Variants in RNF144A observed in about 807,000 individuals in gnomAD.
RNF144A encodes the protein E3 ubiquitin-protein ligase RNF144A.
RNF144A carries 11 observed loss-of-function variants against 38.7 expected under a neutral mutation model. The observed-to-expected ratio is 0.28, with a 90% CI of 0.18 to 0.47. The LOEUF is 0.47. Ranked by LOEUF, RNF144A falls within the 20% of genes least tolerant of loss-of-function variation. The probability of loss-of-function intolerance (pLI) is 0.99; values close to 1 mark genes in which losing one functional copy is unlikely to be tolerated. For missense variants in RNF144A, 316 were observed against 377.2 expected, an observed-to-expected ratio of 0.84 and a Z score of 1.34; for synonymous variants, 149 against 143.9, an observed-to-expected ratio of 1.04 and a Z score of -0.25.
intron 1 of RNF144A, among the ~76,000 whole-genome samples, chr2:6,938,979 A>G (rs1344319919): frequency 6.6e-6 from 1 of 151,716 alleles, no homozygotes; most frequent in East Asian, 1.9e-4. Flanking sequence ...TTAGACATTC[A>G]CTAGTTGATG....
chr2:6,937,828 A>G (rs1339909096), intron 1 of RNF144A, among the ~76,000 whole-genome samples: 1 of 152,166 alleles, frequency 6.6e-6, no homozygotes, highest in Non-Finnish European at 1.5e-5. Flanking sequence ...CTGGTCCTGA[A>G]TGTTGCAAAA....
Position 7,040,924 on chromosome 2 carries a change from C to T in RNF144A, c.*1164C>T. 1.0e-6 allele frequency: 1 copy of T among 985,436 alleles called. No homozygotes were observed. Among genetic ancestry groups the T allele is most frequent in the Non-Finnish European group, 1.2e-6 (1 of 829,934 alleles). The allele number at this position is 985,436 out of a possible 1,614,324, so 61.0% of individuals were successfully genotyped here. A position where few individuals can be genotyped will look rare whatever the true frequency, so the allele number is the denominator to read the frequency against. On this transcript the variant is annotated 3_prime_UTR_variant, in exon 9 of 9. Coordinates refer to ENST00000320892, the MANE Select transcript of RNF144A (RefSeq NM_014746.6). ...ACTTCGTTTTAACGTGGGGATTTTA[C>T]CACTTGATCTTTTACAGGGCTGTCT...
intron 2 of RNF144A, among the ~76,000 whole-genome samples, chr2:6,964,811 G>A (rs1667551814): frequency 6.6e-6 from 1 of 151,746 alleles, no homozygotes; most frequent in African/African-American, 2.4e-5. Flanking sequence ...CACACTCTGG[G>A]GACTGTTGTG....
At chr2:6,938,573 T>A (rs1296239936) in intron 1 of RNF144A, among the ~76,000 whole-genome samples, 1 of 152,154 alleles carries the variant, frequency 6.6e-6, no homozygotes, top group Non-Finnish European at 1.5e-5. Context: ...ATAGTAGTTT[T>A]ATTAAAATGG....
intron 6 of RNF144A, among the ~76,000 whole-genome samples, chr2:7,054,778 C>T (rs1572487229): frequency 1.3e-5 from 2 of 152,290 alleles, no homozygotes; most frequent in East Asian, 3.9e-4. Flanking sequence ...TTGGACTTCC[C>T]AGCCTCCAGA....
Position 7,041,810 on chromosome 2 carries a change from C to G in RNF144A, c.*2050C>G, listed in dbSNP as rs1673062529. On this transcript the variant is annotated 3_prime_UTR_variant, in exon 9 of 9. Transcript: ENST00000320892. Reference sequence around the variant, plus strand: ...CGCATGAGCCCACACAGTAGCACCCCCGTCCTTAGGATGAGAGTCAGAGCC... The same window carrying G: ...CGCATGAGCCCACACAGTAGCACCCGCGTCCTTAGGATGAGAGTCAGAGCC... 1.0e-6 allele frequency: 1 copy of G among 985,390 alleles called. No individual in the cohort carries two copies. The highest frequency in any genetic ancestry group is 1.2e-6 in the Non-Finnish European group (1 of 830,006). 61.0% of individuals were successfully genotyped at this position (985,390 alleles called of 1,614,324 possible).
intron 1 of RNF144A, among the ~76,000 whole-genome samples, chr2:6,931,045 C>G (rs1487515848): frequency 6.6e-6 from 1 of 152,208 alleles, no homozygotes; most frequent in African/African-American, 2.4e-5. Flanking sequence ...AAACGGCTGC[C>G]CTCCCAGGCT....
intron 3 of RNF144A, among the ~76,000 whole-genome samples, chr2:6,999,341 G>T (rs418878): frequency 0.25 from 37,309 of 152,100 alleles, 5,705 homozygotes; most frequent in Non-Finnish European, 0.35. Flanking sequence ...CGCTTTGGTG[G>T]CGCCTTCCCC....
intron 2 of RNF144A, among the ~76,000 whole-genome samples, chr2:6,948,272 A>G (rs1666466502): frequency 1.3e-5 from 2 of 152,250 alleles, no homozygotes. Context: ...GTCACAGCAC[A>G]GAGAGAAGAG....
In RNF144A at chr2:7,042,616, G is replaced by C. The variant is rs1673116341; in HGVS notation, c.*2856G>C. 2.0e-6 allele frequency: 2 copies of C among 985,442 alleles called. No homozygotes were observed. The highest frequency in any genetic ancestry group is 1.7e-5 in the African/African-American group (1 of 57,252). 61.0% of individuals were successfully genotyped at this position (985,442 alleles called of 1,614,324 possible). A position where few individuals can be genotyped will look rare whatever the true frequency, so the allele number is the denominator to read the frequency against. ...CTGACCACATTTGGAGGTTTTGCTG[G>C]AAATGCCTGACCTCTCAGTCTGGCT... On this transcript the variant is annotated 3_prime_UTR_variant, in exon 9 of 9. Transcript: ENST00000320892.
intron 3 of RNF144A, among the ~76,000 whole-genome samples, chr2:7,007,059 C>T (rs940778960): frequency 7.9e-5 from 12 of 152,242 alleles, no homozygotes; most frequent in African/African-American, 2.9e-4. Flanking sequence ...TGCCCCTTCC[C>T]ACCTGGCAAG....
chr2:7,035,572 C>A (rs762408718), intron 8 of RNF144A, among the ~76,000 whole-genome samples: 1 of 152,192 alleles, frequency 6.6e-6, no homozygotes, highest in Non-Finnish European at 1.5e-5. Context: ...CCTGGGGACA[C>A]ATTTCTCTGT....
intron 2 of RNF144A, among the ~76,000 whole-genome samples, chr2:6,970,758 C>G (rs750598636): frequency 1.3e-5 from 2 of 152,182 alleles, no homozygotes; most frequent in African/African-American, 4.8e-5. Flanking sequence ...CCAGCTTCAC[C>G]AGGCAGTGAC....
intron 8 of RNF144A, among the ~76,000 whole-genome samples, chr2:7,038,614 A>G (rs1672832981): frequency 6.6e-6 from 1 of 152,058 alleles, no homozygotes; most frequent in Admixed American, 6.6e-5. Context: ...GAAGGAAGGG[A>G]AAGGAAGAGG....
Position 7,000,325 on chromosome 2 carries a change from G to A in RNF144A, c.135+3264G>A, listed in dbSNP as rs114532483. On this transcript the variant is annotated intron_variant, in intron 3 of 8. Transcript: ENST00000320892. ...CATGTAAGTCTAACCAACAAGTTCT[G>A]TGCTGGAGCACTGGCCAGAGAGAAA... Among the ~76,000 whole-genome samples the A allele has an allele frequency of 6.3e-3, 963 of 152,292 alleles. 7 individuals carry two copies. Among genetic ancestry groups the A allele is most frequent in the African/African-American group, 0.02 (827 of 41,534 alleles).
intron 8 of RNF144A, among the ~76,000 whole-genome samples, chr2:7,037,161 A>G (rs964555992): frequency 1.3e-5 from 2 of 152,078 alleles, no homozygotes; most frequent in African/African-American, 4.8e-5. Context: ...GCTTTGTGAT[A>G]TTTGCTTCCT....
Position 6,967,157 on chromosome 2 carries a change from C to T in RNF144A, c.-12+26010C>T, listed in dbSNP as rs552424661. On this transcript the variant is annotated intron_variant, in intron 2 of 8. Transcript: ENST00000320892. Reference sequence around the variant, plus strand: ...GCTTCTCCAGTTTCCCATGGTCACCCGCCGAGTCAAGGTTCTTATCAGTTC... The same window carrying T: ...GCTTCTCCAGTTTCCCATGGTCACCTGCCGAGTCAAGGTTCTTATCAGTTC... Among the ~76,000 whole-genome samples, 5 of 152,162 alleles carry T rather than the reference C, an allele frequency of 3.3e-5. No homozygotes were observed. In the South Asian group the frequency reaches 6.2e-4, roughly 19 times the overall value.
intron 6 of RNF144A, among the ~76,000 whole-genome samples, chr2:7,065,267 A>AG (rs1348970981): frequency 6.6e-6 from 1 of 152,226 alleles, no homozygotes; most frequent in Non-Finnish European, 1.5e-5. Context: ...AAATTCCTGG[A>AG]GAAAAACTCT....
intron 2 of RNF144A, among the ~76,000 whole-genome samples, chr2:6,981,653 C>G (rs984803402): frequency 1.4e-4 from 22 of 152,192 alleles, no homozygotes; most frequent in African/African-American, 5.3e-4. Context: ...TGGTCAAAAC[C>G]ATTCAACAAG....
Sources: allele counts gnomAD v4.1 joint callset (sites outside exome capture counted in the v4.1 genomes callset), GRCh38; gene constraint gnomAD v4.1.1; transcripts MANE v1.5; gene names NCBI Gene and HGNC (gene_info 2026-07-23, HGNC 2026-07-21).